NFATC2: variants seen among roughly 807,000 people sequenced by gnomAD.
The protein encoded by NFATC2 is nuclear factor of activated T-cells, cytoplasmic 2.
Under a neutral mutation model 87.3 loss-of-function variants are expected in NFATC2, and 22 were observed. The observed-to-expected ratio is 0.25, with a 90% CI of 0.18 to 0.36. The LOEUF (loss-of-function observed/expected upper bound fraction) is 0.36, where lower values mean the gene tolerates loss of function less well. Among genes scored for constraint, NFATC2 ranks in the 10% least tolerant of loss-of-function variants. The pLI is 1.00. For missense variants in NFATC2, 1,149 were observed against 1,259.1 expected (o/e 0.91, Z 1.32); for synonymous variants, 565 against 542.2 (o/e 1.04, Z -0.58).
intron 9 of NFATC2, among the ~76,000 whole-genome samples, chr20:51,422,177 G>C (rs947687319): frequency 6.6e-6 from 1 of 152,122 alleles, no homozygotes; most frequent in Admixed American, 6.5e-5. Context: ...CAAACTGCTC[G>C]CAACAGACAG....
In NFATC2 at chr20:51,475,673, A is replaced by T; in HGVS notation, c.1333-13T>A. The stretch of plus-strand genomic sequence containing the variant: ...TGTAGCCATGGAGCTGGTGGGGGAG[A>T]AAACAAAATCATTAAGGTGCGGGGT... On this transcript the variant is annotated splice_polypyrimidine_tract_variant and intron_variant, in intron 3 of 10. Transcript: ENST00000371564. 6.2e-7 allele frequency: 1 copy of T among 1,613,806 alleles called. No homozygotes were observed. Among genetic ancestry groups the T allele is most frequent in the South Asian group, 1.1e-5 (1 of 91,044 alleles).
At position 51,473,911 on chromosome 20, in the gene NFATC2, C is replaced by T. The variant is rs73910862; in HGVS notation, c.1708+69G>A. The stretch of plus-strand genomic sequence containing the variant: ...CCCCGGGTACCTCGCCCAGAATACA[C>T]TGCTCCCGGGGGAAGCCCACGTGCC... On this transcript the variant is annotated intron_variant, in intron 5 of 10. Coordinates refer to ENST00000371564, the MANE Select transcript of NFATC2 (RefSeq NM_012340.5). 1,266 of 1,542,934 alleles carry T rather than the reference C, an allele frequency of 8.2e-4. 10 individuals are homozygous for T. The African/African-American group carries it at 0.015, about 18-fold the overall frequency.
At chr20:51,397,333 G>A (rs999072601) in intron 10 of NFATC2, among the ~76,000 whole-genome samples, 18 of 152,194 alleles carry the variant, frequency 1.2e-4, no homozygotes, top group African/African-American at 4.3e-4. Flanking sequence ...TCAGTGAAAA[G>A]AACATAAAAC....
chr20:51,395,232 A>G lies in NFATC2; in HGVS notation c.*44+3411T>C, dbSNP rs536992169. 2.1e-3 allele frequency among the ~76,000 whole-genome samples: 317 copies of G among 150,324 alleles called. 1 individual carries two copies. Among genetic ancestry groups the G allele is most frequent in the African/African-American group, 7.8e-3 (308 of 39,716 alleles). On this transcript the variant is annotated intron_variant, in intron 10 of 10. Coordinates refer to ENST00000371564, the MANE Select transcript of NFATC2 (RefSeq NM_012340.5). Reference sequence around the variant, plus strand: ...TAACGTCATCATCCCCATTTTATAGATGGGGAAATAGAGACAGGCAGACCA... The same window carrying G: ...TAACGTCATCATCCCCATTTTATAGGTGGGGAAATAGAGACAGGCAGACCA...
Position 51,560,379 on chromosome 20 carries a change from G to T in NFATC2, c.70+2181C>A, listed in dbSNP as rs186818609. Among the ~76,000 whole-genome samples, 11 of 148,970 alleles carry T rather than the reference G, an allele frequency of 7.4e-5. No individual in the cohort carries two copies. The East Asian group carries it at 1.8e-3, about 24-fold the overall frequency. ...TGGGAGAGAACAAAGCTCACCCTGG[G>T]TTTGTTTATTGCTGAAATACTTTCC... On this transcript the variant is annotated intron_variant, in intron 1 of 10. Coordinates refer to the NFATC2 transcript ENST00000414705.
At chr20:51,412,867 A>G (rs1018299000) in intron 9 of NFATC2, among the ~76,000 whole-genome samples, 2 of 151,976 alleles carry the variant, frequency 1.3e-5, no homozygotes, top group Non-Finnish European at 2.9e-5. Flanking sequence ...TCTGTGTCCA[A>G]AACAAGCTGG....
chr20:51,494,128 T>G (rs1292308735), intron 3 of NFATC2, among the ~76,000 whole-genome samples: 1 of 151,926 alleles, frequency 6.6e-6, no homozygotes, highest in African/African-American at 2.4e-5. Flanking sequence ...GGCAGCTCGG[T>G]CACCGTTACT....
intron 3 of NFATC2, among the ~76,000 whole-genome samples, chr20:51,482,043 A>G (rs1989304277): frequency 6.6e-6 from 1 of 152,158 alleles, no homozygotes; most frequent in Non-Finnish European, 1.5e-5. Flanking sequence ...TCAGGTGGCA[A>G]CAGCCTCCAC....
chr20:51,427,503 G>A (rs1231757806), intron 9 of NFATC2, among the ~76,000 whole-genome samples: 2 of 152,086 alleles, frequency 1.3e-5, no homozygotes, highest in Admixed American at 6.5e-5. Context: ...CTTCCATCAT[G>A]CTCCTGTCAC....
chr20:51,435,021 C>T (rs993932480), intron 8 of NFATC2, among the ~76,000 whole-genome samples, 167 bp downstream of exon 8: 3 of 152,138 alleles, frequency 2.0e-5, no homozygotes, highest in Admixed American at 1.3e-4. Context: ...ATTTAATTTC[C>T]GGAACCCTTA....
intron 5 of NFATC2, among the ~76,000 whole-genome samples, chr20:51,472,797 G>A (rs969194192): frequency 4.0e-5 from 6 of 151,630 alleles, no homozygotes; most frequent in Admixed American, 6.6e-5. Context: ...CACCACACCC[G>A]GCTAATTTTG....
At chr20:51,429,575 C>T (rs1982378624) in intron 9 of NFATC2, among the ~76,000 whole-genome samples, 1 of 152,220 alleles carries the variant, frequency 6.6e-6, no homozygotes, top group South Asian at 2.1e-4. Context: ...GACTCCCGGG[C>T]CTCCATTCTT....
At chr20:51,561,470 A>G (rs1274581469) in intron 1 of NFATC2, among the ~76,000 whole-genome samples, 2 of 138,316 alleles carry the variant, frequency 1.4e-5, no homozygotes, top group Admixed American at 7.4e-5. Flanking sequence ...AAAGAAAGAA[A>G]GAAAGAAAGA....
intron 5 of NFATC2, among the ~76,000 whole-genome samples, chr20:51,466,029 T>G (rs1038271044): frequency 6.6e-6 from 1 of 152,078 alleles, no homozygotes; most frequent in Non-Finnish European, 1.5e-5. Context: ...CGAAGCACAG[T>G]CAACATGCCA....
At chr20:51,396,531 T>C (rs1447940534) in intron 10 of NFATC2, among the ~76,000 whole-genome samples, 4 of 152,092 alleles carry the variant, frequency 2.6e-5, no homozygotes, top group African/African-American at 7.2e-5. Context: ...ACCTCAAGCA[T>C]GTTTTCCAAA....
chr20:51,468,158 T>C (rs115425544), intron 5 of NFATC2, among the ~76,000 whole-genome samples: 1 of 152,232 alleles, frequency 6.6e-6, no homozygotes, highest in East Asian at 1.9e-4. Flanking sequence ...CCTCCGTGTG[T>C]GGGCTTGAGG....
intron 1 of NFATC2, among the ~76,000 whole-genome samples, chr20:51,554,738 C>G (rs1432745350): frequency 6.6e-6 from 1 of 152,112 alleles, no homozygotes; most frequent in African/African-American, 2.4e-5. Context: ...TTGTCTCGCA[C>G]GAGTCTGATA....
At chr20:51,542,756 G>GGGA (rs1555819144), upstream of NFATC2, 3 of 210,530 alleles carry the variant, frequency 1.4e-5, no homozygotes, top group Non-Finnish European at 2.0e-5. Context: ...AGGCGGGGGG[G>GGGA]GGGGGGGCGT....
At chr20:51,528,994 G>C (rs974463210) in intron 1 of NFATC2, among the ~76,000 whole-genome samples, 6 of 152,300 alleles carry the variant, frequency 3.9e-5, no homozygotes, top group African/African-American at 1.4e-4. Flanking sequence ...ATGTAAATGT[G>C]TATTTGAATT....
Sources: allele counts gnomAD v4.1 joint callset (sites outside exome capture counted in the v4.1 genomes callset), GRCh38; gene constraint gnomAD v4.1.1; transcripts MANE v1.5; gene names NCBI Gene and HGNC (gene_info 2026-07-23, HGNC 2026-07-21).